The following XKR9 variants were observed in gnomAD, a reference collection of about 807,000 sequenced individuals.
XKR9 encodes XK related 9.
XKR9 carries 32 observed loss-of-function variants against 32.0 expected under a neutral mutation model. The observed-to-expected ratio is 1.00, with a 90% confidence interval of 0.76 to 1.34. XKR9 has a LOEUF of 1.34. Among genes scored for constraint, XKR9 ranks in the 40% most tolerant of loss-of-function variants. The pLI, the probability that XKR9 is intolerant of heterozygous loss-of-function variation, is 0.00. For synonymous variants in XKR9, 168 were observed against 143.4 expected, an observed-to-expected ratio of 1.17 and a Z score of -1.22; for missense variants, 546 against 429.7, an observed-to-expected ratio of 1.27 and a Z score of -2.39.
At chr8:70,992,486 C>T in the XKR9 span, among the ~76,000 whole-genome samples, 6 of 152,212 alleles carry the variant, frequency 3.9e-5, no homozygotes, top group African/African-American at 9.6e-5. Flanking sequence ...TTGTGTTGGC[C>T]TCAGTGGAAT....
the XKR9 span, among the ~76,000 whole-genome samples, chr8:71,064,294 A>G: frequency 6.6e-6 from 1 of 152,274 alleles, no homozygotes. Context: ...TTCTTCTATA[A>G]TAATACTACT....
the XKR9 span, among the ~76,000 whole-genome samples, chr8:70,812,964 A>T: frequency 6.6e-6 from 1 of 152,172 alleles, no homozygotes; most frequent in Non-Finnish European, 1.5e-5. Context: ...TATGGAACCA[A>T]AAAAGAGCCT....
intron 3 of XKR9, among the ~76,000 whole-genome samples, chr8:70,690,279 C>T (rs1235605495): frequency 2.6e-5 from 4 of 151,996 alleles, no homozygotes; most frequent in South Asian, 2.1e-4. Flanking sequence ...CAAGTAGATG[C>T]GTGTCAGTGT....
the XKR9 span, among the ~76,000 whole-genome samples, chr8:70,992,374 C>T: frequency 6.6e-6 from 1 of 151,990 alleles, no homozygotes; most frequent in African/African-American, 2.4e-5. Flanking sequence ...CAGAAAGTAC[C>T]TGTTCTTAGT....
At chr8:70,785,815 C>G (rs1249280160) in intron 2 of XKR9, among the ~76,000 whole-genome samples, 1 of 145,976 alleles carries the variant, frequency 6.9e-6, no homozygotes, top group South Asian at 2.1e-4. Context: ...ATACAACATA[C>G]CTAAATTTAT....
At chr8:70,780,003 A>T (rs62508769) in intron 2 of XKR9, among the ~76,000 whole-genome samples, 11,038 of 150,984 alleles carry the variant, frequency 0.073, 472 homozygotes, top group Non-Finnish European at 0.089. Flanking sequence ...CTAGCTTTTG[A>T]ATTTGTTTGC....
At chr8:71,051,130 A>G in the XKR9 span, among the ~76,000 whole-genome samples, 1 of 152,148 alleles carries the variant, frequency 6.6e-6, no homozygotes, top group Admixed American at 6.5e-5. Flanking sequence ...AAAGGTCAAC[A>G]GGTCAGTATA....
chr8:70,732,020 T>C (rs1398901176), intron 4 of XKR9, among the ~76,000 whole-genome samples: 1 of 152,168 alleles, frequency 6.6e-6, no homozygotes, highest in Non-Finnish European at 1.5e-5. Flanking sequence ...AACCAAGACT[T>C]CCTACTAGTT....
At chr8:70,928,068 G>C in the XKR9 span, among the ~76,000 whole-genome samples, 1 of 152,144 alleles carries the variant, frequency 6.6e-6, no homozygotes, top group Admixed American at 6.5e-5. Context: ...TTAGAAACAG[G>C]GTCTTGCTCT....
chr8:70,918,415 A>T, the XKR9 span, among the ~76,000 whole-genome samples: 1 of 152,182 alleles, frequency 6.6e-6, no homozygotes, highest in Non-Finnish European at 1.5e-5. Flanking sequence ...TCAGATACAA[A>T]GGAACTGGAT....
the XKR9 span, among the ~76,000 whole-genome samples, chr8:71,007,931 T>C: frequency 6.6e-6 from 1 of 151,588 alleles, no homozygotes; most frequent in African/African-American, 2.4e-5. Context: ...GAATAAATGG[T>C]AAAAGGGCAA....
intron 2 of XKR9, among the ~76,000 whole-genome samples, chr8:70,782,415 T>C (rs1807629302): frequency 6.6e-6 from 1 of 152,134 alleles, no homozygotes; most frequent in Non-Finnish European, 1.5e-5. Flanking sequence ...GATGAGAATA[T>C]TTGAAATGTA....
At chr8:71,013,375 C>A in the XKR9 span, among the ~76,000 whole-genome samples, 1 of 152,144 alleles carries the variant, frequency 6.6e-6, no homozygotes, top group African/African-American at 2.4e-5. Flanking sequence ...TGCCTACACA[C>A]TCTCCCCACT....
At position 70,756,445 on chromosome 8, in the gene XKR9, C is replaced by T. The variant is rs116288059; in HGVS notation, n.353-32894C>T. ...TAGGGCTTGCATTGAATCTATGGAT[C>T]AGTTTGGGGAATATTGCTATTTAAG... is the stretch of plus-strand genomic sequence containing the variant. On this transcript the variant is annotated intron_variant and non_coding_transcript_variant, in intron 2 of 3. Coordinates refer to the XKR9 transcript ENST00000520273. Among the ~76,000 whole-genome samples the T allele has an allele frequency of 5.9e-3, 894 of 152,262 alleles. 12 individuals are homozygous for T. Among genetic ancestry groups the T allele is most frequent in the African/African-American group, 0.021 (854 of 41,556 alleles).
chr8:71,027,327 G>C, the XKR9 span, among the ~76,000 whole-genome samples: 75 of 148,994 alleles, frequency 5.0e-4, no homozygotes, highest in Non-Finnish European at 8.3e-4. Context: ...TTTTCCAAAG[G>C]ATCCTCTTTA....
chr8:71,055,859 C>T, the XKR9 span, among the ~76,000 whole-genome samples: 3,302 of 152,228 alleles, frequency 0.022, 86 homozygotes, highest in East Asian at 0.11. Context: ...TTATATTAAA[C>T]TCAATAATTT....
the XKR9 span, among the ~76,000 whole-genome samples, chr8:70,938,359 G>A: frequency 6.6e-6 from 1 of 151,856 alleles, no homozygotes; most frequent in African/African-American, 2.4e-5. Flanking sequence ...GATGGAATAG[G>A]GTGTAGAAGA....
chr8:70,801,639 T>C, the XKR9 span, among the ~76,000 whole-genome samples: 3 of 152,204 alleles, frequency 2.0e-5, no homozygotes, highest in Admixed American at 1.3e-4. Context: ...GTGTATTCTG[T>C]TGTCTTTGGA....
chr8:70,689,941 T>G (rs1819453736), intron 3 of XKR9, among the ~76,000 whole-genome samples: 1 of 151,918 alleles, frequency 6.6e-6, no homozygotes, highest in South Asian at 2.1e-4. Context: ...GTTATAGGAG[T>G]AGGGTAGAGT....
Sources: gnomAD v4.1 joint callset for allele counts (sites outside exome capture counted in the v4.1 genomes callset) on GRCh38, gnomAD v4.1.1 for gene constraint, MANE v1.5 for transcripts, NCBI Gene and HGNC (gene_info 2026-07-23, HGNC 2026-07-21) for gene names.